Variants in PTPRD observed in about 807,000 individuals in gnomAD.
PTPRD encodes receptor-type tyrosine-protein phosphatase delta.
Under a neutral mutation model 214.5 loss-of-function variants are expected in PTPRD, and 34 were observed. That is an observed-to-expected ratio of 0.16 (90% CI 0.12 to 0.21). The LOEUF (loss-of-function observed/expected upper bound fraction) is 0.21. PTPRD is among the 10% of genes least tolerant of loss of function. PTPRD has a pLI of 1.00. For missense variants in PTPRD, 2,545 were observed against 2,398.7 expected, an observed-to-expected ratio of 1.06 and a Z score of -1.27; for synonymous variants, 1,128 against 845.7, an observed-to-expected ratio of 1.33 and a Z score of -5.79.
At chr9:9,264,850 G>A (rs1249970180) in intron 9 of PTPRD, among the ~76,000 whole-genome samples, 1 of 150,678 alleles carries the variant, frequency 6.6e-6, no homozygotes, top group Admixed American at 6.6e-5. Context: ...TTCAGCAGAA[G>A]CCTTGCAGGC....
In PTPRD at chr9:8,389,281, T is replaced by C. The variant is rs2088534077; in HGVS notation, c.4337A>G (p.Gln1446Arg). 1.2e-6 allele frequency: 2 copies of C among 1,612,890 alleles called. No homozygotes were observed. Among genetic ancestry groups the C allele is most frequent in the African/African-American group, 1.3e-5 (1 of 74,838 alleles). ...FGDFWRMIWEQRSATVVMMTK... is the reference protein window; with the variant it reads ...FGDFWRMIWERRSATVVMMTK... Reference sequence around the variant, plus strand: ...CATCATGACAACTGTGGCACTCCGTTGTTCCCATATCATTCTCCAAAAGTC... The same window carrying C: ...CATCATGACAACTGTGGCACTCCGTCGTTCCCATATCATTCTCCAAAAGTC... Residue 1446 changes from glutamine (Q) to arginine (R), a missense_variant, in exon 37 of 46, where the codon CAA becomes CGA. Transcript: ENST00000381196.
intron 10 of PTPRD, among the ~76,000 whole-genome samples, chr9:9,062,039 C>A (rs916326035): frequency 2.0e-5 from 3 of 152,134 alleles, no homozygotes; most frequent in Admixed American, 1.3e-4. Flanking sequence ...ATTACTCCCT[C>A]ATCCAATGCC....
chr9:8,972,098 G>C (rs1353301873), intron 11 of PTPRD, among the ~76,000 whole-genome samples: 2 of 151,772 alleles, frequency 1.3e-5, no homozygotes, highest in East Asian at 1.9e-4. Flanking sequence ...CAATCCAGGA[G>C]ACAGTTCTGA....
intron 37 of PTPRD, among the ~76,000 whole-genome samples, chr9:8,377,344 A>C (rs923838705): frequency 6.6e-6 from 1 of 152,124 alleles, no homozygotes; most frequent in Non-Finnish European, 1.5e-5. Context: ...ACACACTAAC[A>C]GTGCAAAGTT....
Position 9,363,145 on chromosome 9 carries a change from T to C in PTPRD, c.-203+34304A>G, listed in dbSNP as rs1190365890. On this transcript the variant is annotated intron_variant, in intron 9 of 45. Coordinates refer to ENST00000381196, the MANE Select transcript of PTPRD (RefSeq NM_002839.4). ...TTTTTTTTTTTAACTGTACTTGTGG[T>C]CACATTAGAACTGGATATGACATAT... Among the ~76,000 whole-genome samples, 3 of 146,478 alleles carry C rather than the reference T, an allele frequency of 2.0e-5. No individual in the cohort carries two copies. The East Asian group carries it at 6.1e-4, about 30-fold the overall frequency.
chr9:9,723,134 T>C (rs186046406), intron 7 of PTPRD, among the ~76,000 whole-genome samples: 2 of 152,200 alleles, frequency 1.3e-5, no homozygotes, highest in African/African-American at 2.4e-5. Context: ...TGTTTTCTTC[T>C]AAGAATTTTA....
chr9:10,585,688 C>T (rs995294810), intron 2 of PTPRD, among the ~76,000 whole-genome samples: 1 of 144,744 alleles, frequency 6.9e-6, no homozygotes, highest in Non-Finnish European at 1.5e-5. Context: ...ATCAAAGGAG[C>T]ATTAGAGAAA....
At chr9:9,662,749 C>G (rs2096644459) in intron 7 of PTPRD, among the ~76,000 whole-genome samples, 1 of 151,536 alleles carries the variant, frequency 6.6e-6, no homozygotes, top group Non-Finnish European at 1.5e-5. Context: ...TTTAGAATTA[C>G]ATAAATTAAT....
chr9:8,464,073 G>C (rs1407821860), intron 32 of PTPRD, among the ~76,000 whole-genome samples: 1 of 151,798 alleles, frequency 6.6e-6, no homozygotes, highest in African/African-American at 2.4e-5. Context: ...TAAAGAAAGG[G>C]GCAGACTCTT....
chr9:9,079,815 G>C (rs780464582), intron 10 of PTPRD, among the ~76,000 whole-genome samples: 3 of 151,986 alleles, frequency 2.0e-5, no homozygotes, highest in Non-Finnish European at 2.9e-5. Flanking sequence ...CATATGCTGT[G>C]GTTATGACAA....
At position 9,788,683 on chromosome 9, in the gene PTPRD, G is replaced by A. The variant is rs577034723; in HGVS notation, c.-367-21832C>T. 6.6e-5 allele frequency among the ~76,000 whole-genome samples: 10 copies of A among 152,070 alleles called. No individual in the cohort carries two copies. The East Asian group carries it at 1.9e-3, about 29-fold the overall frequency. On this transcript the variant is annotated intron_variant, in intron 5 of 45. Coordinates refer to ENST00000381196, the MANE Select transcript of PTPRD (RefSeq NM_002839.4). ...GATACAAAAGAAAAAAATGTTTAAA[G>A]GGGGAGAAGTAAAAAGAAAAGCCCA... is the stretch of plus-strand genomic sequence containing the variant.
intron 11 of PTPRD, among the ~76,000 whole-genome samples, chr9:8,761,515 T>C (rs1054841475): frequency 1.3e-5 from 2 of 152,182 alleles, no homozygotes; most frequent in Non-Finnish European, 2.9e-5. Flanking sequence ...GGAGGATAGA[T>C]GCTTTTTCAT....
chr9:9,363,584 T>G (rs2056945693), intron 9 of PTPRD, among the ~76,000 whole-genome samples: 1 of 151,306 alleles, frequency 6.6e-6, no homozygotes, highest in South Asian at 2.1e-4. Context: ...AACAAAATCT[T>G]AGGTGTTAGT....
At chr9:9,182,967 C>T (rs929760131) in intron 10 of PTPRD, among the ~76,000 whole-genome samples, 1 of 151,888 alleles carries the variant, frequency 6.6e-6, no homozygotes, top group African/African-American at 2.4e-5. Context: ...ATTCAATCAA[C>T]ATTTAAATCT....
At chr9:8,735,805 G>A (rs776365954) in intron 11 of PTPRD, among the ~76,000 whole-genome samples, 2 of 151,680 alleles carry the variant, frequency 1.3e-5, no homozygotes, top group Non-Finnish European at 2.9e-5. Flanking sequence ...CCAGCTACTC[G>A]GGACGCTGAG....
chr9:8,475,440 C>T (rs930881998), intron 30 of PTPRD, among the ~76,000 whole-genome samples: 1 of 152,108 alleles, frequency 6.6e-6, no homozygotes, highest in African/African-American at 2.4e-5. Flanking sequence ...AGGCTCTGGC[C>T]AAGAACTTCT....
At chr9:9,998,125 A>ATATATATATATATATATATATATATATAT (rs1286206158) in intron 4 of PTPRD, among the ~76,000 whole-genome samples, 17 of 48,512 alleles carry the variant, frequency 3.5e-4, no homozygotes, top group African/African-American at 1.5e-3. Flanking sequence ...TAAAAAAAAA[A>ATATATATATATATATATATATATATATAT]AAAAATATAT....
intron 10 of PTPRD, among the ~76,000 whole-genome samples, chr9:9,040,537 G>T (rs1379132965): frequency 6.6e-6 from 1 of 152,008 alleles, no homozygotes; most frequent in Non-Finnish European, 1.5e-5. Context: ...AGAGAAATTG[G>T]TGCCACCACA....
intron 10 of PTPRD, among the ~76,000 whole-genome samples, chr9:9,073,871 G>C (rs537362304): frequency 6.6e-6 from 1 of 152,112 alleles, no homozygotes; most frequent in African/African-American, 2.4e-5. Context: ...TATATTATAT[G>C]TGATAATCCA....
Sources: gnomAD v4.1 joint callset for allele counts (sites outside exome capture counted in the v4.1 genomes callset) on GRCh38, gnomAD v4.1.1 for gene constraint, MANE v1.5 for transcripts, NCBI Gene and HGNC (gene_info 2026-07-23, HGNC 2026-07-21) for gene names.